RPS6KA5: variants seen among roughly 807,000 people sequenced by gnomAD.
RPS6KA5 encodes the protein ribosomal protein S6 kinase alpha-5.
In RPS6KA5, 27 loss-of-function variants were observed where a neutral mutation model predicts 85.5. That is an observed-to-expected ratio of 0.32 (90% CI 0.23 to 0.44). The LOEUF (loss-of-function observed/expected upper bound fraction) is 0.44, where lower values mean the gene tolerates loss of function less well. RPS6KA5 is among the 20% of genes least tolerant of loss of function. RPS6KA5 has a pLI of 1.00. For synonymous variants in RPS6KA5, 334 were observed against 348.2 expected, an observed-to-expected ratio of 0.96 and a Z score of 0.46; for missense variants, 811 against 980.9, an observed-to-expected ratio of 0.83 and a Z score of 2.31.
chr14:90,877,465 A>G (rs889094279), intron 14 of RPS6KA5, among the ~76,000 whole-genome samples: 11 of 151,954 alleles, frequency 7.2e-5, no homozygotes, highest in Admixed American at 3.3e-4. Context: ...CCTGCCCCCA[A>G]CCTCACTTCT....
At chr14:90,882,966 T>C (rs1036155178) in intron 14 of RPS6KA5, among the ~76,000 whole-genome samples, 2 of 151,952 alleles carry the variant, frequency 1.3e-5, no homozygotes, top group Non-Finnish European at 1.5e-5. Context: ...CCTGGCTAAT[T>C]TGTGTATTTT....
Position 91,053,330 on chromosome 14 carries a change from T to C in RPS6KA5, c.103+7002A>G, listed in dbSNP as rs139614997. Among the ~76,000 whole-genome samples the C allele has an allele frequency of 1.9e-3, 290 of 152,352 alleles. 1 individual carries two copies. Among genetic ancestry groups the C allele is most frequent in the Middle Eastern group, 0.014 (4 of 294 alleles). ...AGGATGTCTGCTCTTGCAAGTTCTA[T>C]TGAACCATAGTGAAGGTTCTGGCCA... is the stretch of plus-strand genomic sequence containing the variant. On this transcript the variant is annotated intron_variant, in intron 1 of 16. Transcript: ENST00000614987.
chr14:90,992,179 TA>T (rs1168099411), intron 2 of RPS6KA5, among the ~76,000 whole-genome samples: 1 of 151,950 alleles, frequency 6.6e-6, no homozygotes, highest in African/African-American at 2.4e-5. Flanking sequence ...TTATATTCAT[TA>T]TAAAAGCTTC....
intron 12 of RPS6KA5, among the ~76,000 whole-genome samples, chr14:90,895,580 G>C (rs1152423): frequency 0.39 from 58,537 of 151,848 alleles, 12,174 homozygotes; most frequent in East Asian, 0.6. Flanking sequence ...TGTCAGAATG[G>C]ATAATTTCCA....
chr14:91,005,123 C>G (rs939102531), intron 1 of RPS6KA5, among the ~76,000 whole-genome samples: 2 of 152,194 alleles, frequency 1.3e-5, no homozygotes, highest in Non-Finnish European at 2.9e-5. Flanking sequence ...ACAGTTTTAG[C>G]TTTCCTAGAA....
At chr14:90,950,912 T>C (rs2038141063) in intron 3 of RPS6KA5, among the ~76,000 whole-genome samples, 1 of 150,230 alleles carries the variant, frequency 6.7e-6, no homozygotes, top group Admixed American at 6.6e-5. Flanking sequence ...CTTGACGTCA[T>C]GGGTTTGAGA....
intron 1 of RPS6KA5, among the ~76,000 whole-genome samples, chr14:91,049,614 CA>C (rs918392823): frequency 2.8e-5 from 4 of 144,298 alleles, no homozygotes; most frequent in South Asian, 2.2e-4. Context: ...GACTCTGTCT[CA>C]AAAAAAAAGA....
In RPS6KA5 at chr14:90,859,336, T is replaced by C. The variant is rs1183227593; in HGVS notation, c.*12738A>G. The C allele has an allele frequency of 6.6e-5, 10 of 152,112 alleles. No homozygotes were observed. Among genetic ancestry groups the C allele is most frequent in the African/African-American group, 1.4e-4 (6 of 41,410 alleles). The allele number at this position is 152,112 out of a possible 1,614,324, so 9.4% of individuals were successfully genotyped here. On this transcript the variant is annotated 3_prime_UTR_variant, in exon 17 of 17. Transcript: ENST00000614987. ...AATGTATGACATTTCACCAAACTTA[T>C]AAGGCATGCTAAAAAACAGCACCAA...
chr14:90,949,584 T>A (rs2038063981), intron 3 of RPS6KA5, among the ~76,000 whole-genome samples: 8 of 152,160 alleles, frequency 5.3e-5, no homozygotes, highest in Admixed American at 5.2e-4. Context: ...ACTCTGAAAC[T>A]TAAGAGGCCA....
chr14:90,883,375 T>C (rs2033982788), intron 14 of RPS6KA5, among the ~76,000 whole-genome samples: 2 of 152,184 alleles, frequency 1.3e-5, no homozygotes, highest in African/African-American at 4.8e-5. Flanking sequence ...CTAACTTCAA[T>C]TTCACTGATT....
intron 9 of RPS6KA5, among the ~76,000 whole-genome samples, chr14:90,901,574 T>A (rs769169675): frequency 6.6e-6 from 1 of 152,148 alleles, no homozygotes; most frequent in Non-Finnish European, 1.5e-5. Context: ...GACGGATGAT[T>A]AATCCGTTCA....
At chr14:90,919,062 A>C (rs2036268220) in intron 7 of RPS6KA5, among the ~76,000 whole-genome samples, 1 of 152,196 alleles carries the variant, frequency 6.6e-6, no homozygotes, top group African/African-American at 2.4e-5. Context: ...ACTATATGGA[A>C]TAGTTCCCTC....
intron 4 of RPS6KA5, among the ~76,000 whole-genome samples, chr14:90,945,621 AC>A (rs2037833230): frequency 6.6e-6 from 1 of 152,180 alleles, no homozygotes; most frequent in African/African-American, 2.4e-5. Context: ...GAGTTCATTT[AC>A]TATATTACTC....
intron 2 of RPS6KA5, among the ~76,000 whole-genome samples, chr14:90,984,872 G>C (rs1412544204): frequency 6.6e-6 from 1 of 152,072 alleles, no homozygotes; most frequent in African/African-American, 2.4e-5. Flanking sequence ...CAGTCTTCTT[G>C]AGCATAAACT....
intron 9 of RPS6KA5, among the ~76,000 whole-genome samples, chr14:90,901,404 T>C (rs1385561203): frequency 6.6e-6 from 1 of 152,204 alleles, no homozygotes; most frequent in Non-Finnish European, 1.5e-5. Context: ...ATGCTATTGT[T>C]TTTCAAACTG....
chr14:90,966,761 G>T (rs2039082957), intron 3 of RPS6KA5, among the ~76,000 whole-genome samples: 2 of 152,172 alleles, frequency 1.3e-5, no homozygotes, highest in Admixed American at 6.5e-5. Context: ...GAGTAAACAT[G>T]TAATATTGCA....
At chr14:90,989,420 A>C (rs549265932) in intron 2 of RPS6KA5, among the ~76,000 whole-genome samples, 2 of 152,322 alleles carry the variant, frequency 1.3e-5, no homozygotes, top group East Asian at 3.9e-4. Flanking sequence ...TACATGGCAA[A>C]ATTTTTCTTT....
intron 9 of RPS6KA5, among the ~76,000 whole-genome samples, chr14:90,901,961 C>A (rs1336269006): frequency 6.6e-6 from 1 of 151,976 alleles, no homozygotes; most frequent in Admixed American, 6.6e-5. Flanking sequence ...GCAGGAGGAT[C>A]GCTTGAGGCC....
chr14:91,002,229 T>G (rs776157294), intron 1 of RPS6KA5, among the ~76,000 whole-genome samples: 23 of 152,148 alleles, frequency 1.5e-4, no homozygotes, highest in Non-Finnish European at 3.1e-4. Flanking sequence ...TATCTGTGAT[T>G]TACTTTGAAA....
Sources: gnomAD v4.1 joint callset for allele counts (sites outside exome capture counted in the v4.1 genomes callset) on GRCh38, gnomAD v4.1.1 for gene constraint, MANE v1.5 for transcripts, NCBI Gene and HGNC (gene_info 2026-07-23, HGNC 2026-07-21) for gene names.